The following GPR158 variants were observed in gnomAD, a reference collection of about 807,000 sequenced individuals.
GPR158 encodes the protein metabotropic glycine receptor.
A neutral mutation model predicts 78.2 loss-of-function variants in GPR158; 30 were observed. The ratio of observed to expected loss-of-function variants is 0.38; its 90% CI spans 0.29 to 0.52. The LOEUF (loss-of-function observed/expected upper bound fraction) is 0.52. GPR158 is among the 20% of genes least tolerant of loss of function. The pLI is 0.83. For missense variants in GPR158, 1,463 were observed against 1,523.5 expected, an observed-to-expected ratio of 0.96 and a Z score of 0.66; for synonymous variants, 581 against 591.1, an observed-to-expected ratio of 0.98 and a Z score of 0.25.
intron 3 of GPR158, among the ~76,000 whole-genome samples, chr10:25,396,811 A>G (rs1834368198): frequency 6.6e-6 from 1 of 152,208 alleles, no homozygotes; most frequent in African/African-American, 2.4e-5. Context: ...AAAAGCAAAT[A>G]AAGGTCTCAC....
At chr10:25,442,379 G>C (rs1242891022) in intron 4 of GPR158, among the ~76,000 whole-genome samples, 1 of 152,042 alleles carries the variant, frequency 6.6e-6, no homozygotes, top group African/African-American at 2.4e-5. Flanking sequence ...AACTACATAA[G>C]ACAGATGTAA....
intron 2 of GPR158, among the ~76,000 whole-genome samples, chr10:25,310,996 G>GC (rs1274692333): frequency 2.0e-5 from 3 of 151,892 alleles, no homozygotes; most frequent in Admixed American, 1.3e-4. Flanking sequence ...CTGAGAGCTC[G>GC]CCTTTATCAT....
intron 5 of GPR158, among the ~76,000 whole-genome samples, chr10:25,490,578 T>C (rs999382027): frequency 1.3e-5 from 2 of 149,776 alleles, no homozygotes; most frequent in Non-Finnish European, 3.0e-5. Context: ...TTACTGAGAA[T>C]GATGATTTCC....
At chr10:25,192,126 C>T (rs565504777) in intron 1 of GPR158, among the ~76,000 whole-genome samples, 1 of 152,070 alleles carries the variant, frequency 6.6e-6, no homozygotes, top group African/African-American at 2.4e-5. Flanking sequence ...GTAATTGGAT[C>T]GTGGGGGCAG....
chr10:25,175,970 T>C lies in GPR158; in HGVS notation c.550T>C (p.Ser184Pro). 1 of 1,613,338 alleles carries C rather than the reference T, an allele frequency of 6.2e-7. No homozygotes were observed. The highest frequency in any genetic ancestry group is 8.5e-7 in the Non-Finnish European group (1 of 1,179,952). Residue 184 changes from serine to proline, a missense_variant, in exon 1 of 11, where the codon TCC (serine) becomes CCC (proline). Coordinates refer to ENST00000376351, the MANE Select transcript of GPR158 (RefSeq NM_020752.3). This position sits in a 1 kb window ranked among gnomAD's most constrained non-coding sequence, Gnocchi z 6.4. ...AAITFSTDSL[S>P]APAPQVFLQA... ...CATCACCTTCAGCACCGATTCGCTG[T>C]CCGCACCGGCCCCACAGGTCTTCCT...
intron 2 of GPR158, among the ~76,000 whole-genome samples, chr10:25,374,650 T>C (rs1447958183): frequency 6.6e-6 from 1 of 151,796 alleles, no homozygotes; most frequent in Non-Finnish European, 1.5e-5. Flanking sequence ...AATGGAATCA[T>C]GTAATATGCA....
At chr10:25,571,831 T>C (rs1238673036) in intron 6 of GPR158, among the ~76,000 whole-genome samples, 1 of 152,198 alleles carries the variant, frequency 6.6e-6, no homozygotes, top group Non-Finnish European at 1.5e-5. Flanking sequence ...GAAAAAACTC[T>C]TAGTTTTTAA....
intron 4 of GPR158, among the ~76,000 whole-genome samples, chr10:25,443,398 T>A (rs1249716779): frequency 1.3e-5 from 2 of 151,622 alleles, no homozygotes; most frequent in African/African-American, 4.9e-5. Context: ...CTATTAAAAA[T>A]ATAAAAATTA....
chr10:25,565,291 A>G (rs964390623), intron 6 of GPR158, among the ~76,000 whole-genome samples: 3 of 152,228 alleles, frequency 2.0e-5, no homozygotes, highest in African/African-American at 7.2e-5. Flanking sequence ...GGAAATACCA[A>G]CTGAATAATA....
chr10:25,593,425 T>C (rs1329627311), intron 8 of GPR158, among the ~76,000 whole-genome samples: 1 of 152,112 alleles, frequency 6.6e-6, no homozygotes, highest in Admixed American at 6.6e-5. Flanking sequence ...CATTTGATGA[T>C]GTGAAACAAA....
intron 2 of GPR158, among the ~76,000 whole-genome samples, chr10:25,324,321 C>A (rs776712610): frequency 6.6e-6 from 1 of 152,158 alleles, no homozygotes; most frequent in South Asian, 2.1e-4. Context: ...CACTTAGAGG[C>A]CATTGTAGGC....
At chr10:25,489,364 A>T (rs1564469594) in intron 5 of GPR158, among the ~76,000 whole-genome samples, 1 of 152,126 alleles carries the variant, frequency 6.6e-6, no homozygotes, top group African/African-American at 2.4e-5. Context: ...TTTCCATCCC[A>T]TACTTCTAAG....
intron 6 of GPR158, among the ~76,000 whole-genome samples, chr10:25,563,940 T>C (rs997892542): frequency 3.3e-5 from 5 of 152,124 alleles, no homozygotes; most frequent in African/African-American, 1.2e-4. Flanking sequence ...ATAATCTTGT[T>C]TCTTTGCGTG....
At chr10:25,562,349 A>G (rs1836870978) in intron 6 of GPR158, among the ~76,000 whole-genome samples, 1 of 152,046 alleles carries the variant, frequency 6.6e-6, no homozygotes, top group South Asian at 2.1e-4. Context: ...GTTTTGGATT[A>G]AATTTTCTCT....
chr10:25,587,805 C>T (rs773415230), intron 7 of GPR158, among the ~76,000 whole-genome samples: 3 of 152,126 alleles, frequency 2.0e-5, no homozygotes, highest in Non-Finnish European at 4.4e-5. Context: ...ATAATTAAGG[C>T]CCTACCTACC....
chr10:25,521,801 G>T (rs1435265070), intron 5 of GPR158, among the ~76,000 whole-genome samples: 4 of 152,100 alleles, frequency 2.6e-5, no homozygotes, highest in Non-Finnish European at 5.9e-5. Context: ...TCTTGCTGAT[G>T]GTATGAAAGC....
chr10:25,492,914 T>C (rs184199844), intron 5 of GPR158, among the ~76,000 whole-genome samples: 11 of 149,176 alleles, frequency 7.4e-5, no homozygotes, highest in Middle Eastern at 3.6e-3. Context: ...ATATATAATA[T>C]ATTTCAATAT....
chr10:25,209,409 T>C (rs908312071), intron 1 of GPR158, among the ~76,000 whole-genome samples: 3 of 151,990 alleles, frequency 2.0e-5, no homozygotes, highest in Non-Finnish European at 2.9e-5. Context: ...AATTCAGTGC[T>C]CAATGCATTT....
At chr10:25,273,432 T>C (rs1230607855) in intron 2 of GPR158, among the ~76,000 whole-genome samples, 1 of 129,808 alleles carries the variant, frequency 7.7e-6, no homozygotes, top group Non-Finnish European at 1.6e-5. Context: ...ACATATAACA[T>C]GAAGTAAAGA....
Sources: allele counts gnomAD v4.1 joint callset (sites outside exome capture counted in the v4.1 genomes callset), GRCh38; gene constraint gnomAD v4.1.1; non-coding constraint Gnocchi (gnomAD v3.1); transcripts MANE v1.5; gene names NCBI Gene and HGNC (gene_info 2026-07-23, HGNC 2026-07-21).